GPR137B: variants seen among roughly 807,000 people sequenced by gnomAD.
GPR137B encodes the protein integral membrane protein GPR137B.
In GPR137B, 42 loss-of-function variants were observed where a neutral mutation model predicts 42.5. The observed-to-expected ratio is 0.99, with a 90% confidence interval of 0.77 to 1.28. The LOEUF is 1.28. GPR137B is among the 50% of genes most tolerant of loss of function. The pLI is 0.00. For synonymous variants in GPR137B, 218 were observed against 209.7 expected, an observed-to-expected ratio of 1.04 and a Z score of -0.34; for missense variants, 487 against 493.9, an observed-to-expected ratio of 0.99 and a Z score of 0.13.
chr1:236,190,232 C>T (rs1265536441), intron 5 of GPR137B, among the ~76,000 whole-genome samples: 3 of 146,650 alleles, frequency 2.0e-5, no homozygotes, highest in Admixed American at 6.9e-5. Context: ...TGTCTTTTCA[C>T]GTGAGATGGG....
intron 5 of GPR137B, among the ~76,000 whole-genome samples, chr1:236,188,025 C>T (rs949678255): frequency 1.3e-5 from 2 of 152,170 alleles, no homozygotes; most frequent in Non-Finnish European, 2.9e-5. Flanking sequence ...GTTTGTAGTT[C>T]TCCTTGGAGA....
chr1:236,198,571 C>A (rs975259588), intron 5 of GPR137B, among the ~76,000 whole-genome samples: 1 of 152,180 alleles, frequency 6.6e-6, no homozygotes, highest in African/African-American at 2.4e-5. Context: ...TGGTCACTTT[C>A]ATAATATTGA....
chr1:236,204,234 T>C (rs1253128943), intron 5 of GPR137B, among the ~76,000 whole-genome samples: 1 of 152,224 alleles, frequency 6.6e-6, no homozygotes, highest in Non-Finnish European at 1.5e-5. Context: ...TGTTGAGCCA[T>C]CCTTGTATCA....
chr1:236,146,258 C>T (rs1661679587), intron 1 of GPR137B, among the ~76,000 whole-genome samples: 1 of 152,184 alleles, frequency 6.6e-6, no homozygotes, highest in Non-Finnish European at 1.5e-5. Flanking sequence ...AGTATACATA[C>T]AGCACAGTTA....
chr1:236,154,697 A>G (rs896192479), intron 1 of GPR137B, among the ~76,000 whole-genome samples: 3 of 151,930 alleles, frequency 2.0e-5, no homozygotes, highest in Non-Finnish European at 4.4e-5. Flanking sequence ...CTCACTTCTG[A>G]AGCAGAAAGT....
chr1:236,182,363 G>T (rs16833417), intron 4 of GPR137B, among the ~76,000 whole-genome samples: 11,595 of 152,106 alleles, frequency 0.076, 1,316 homozygotes, highest in African/African-American at 0.25. Context: ...TTTTCTTCAA[G>T]TAAGAATGCA....
chr1:236,147,929 C>G lies in GPR137B; in HGVS notation c.414+4893C>G, dbSNP rs1259051958. Among the ~76,000 whole-genome samples the G allele has an allele frequency of 2.6e-5, 4 of 152,246 alleles. No individual in the cohort carries two copies. In the South Asian group the frequency reaches 6.2e-4, roughly 24 times the overall value. On this transcript the variant is annotated intron_variant, in intron 1 of 6. Coordinates refer to ENST00000366592, the MANE Select transcript of GPR137B (RefSeq NM_003272.4). The stretch of plus-strand genomic sequence containing the variant: ...GTTCTGCTAACTCTCTCCGGGCCGT[C>G]TGTATGCAGTGTCTGTCTGGCCCCA...
intron 5 of GPR137B, among the ~76,000 whole-genome samples, chr1:236,199,834 C>G (rs1276676944): frequency 1.3e-5 from 2 of 151,728 alleles, no homozygotes; most frequent in Admixed American, 6.6e-5. Flanking sequence ...TTTGTATTGC[C>G]TTTTTGTTTC....
At chr1:236,152,295 G>C (rs1036103815) in intron 1 of GPR137B, among the ~76,000 whole-genome samples, 1 of 151,734 alleles carries the variant, frequency 6.6e-6, no homozygotes, top group African/African-American at 2.4e-5. Flanking sequence ...GATCTCATCT[G>C]TACAAAAAAT....
intron 5 of GPR137B, among the ~76,000 whole-genome samples, chr1:236,199,738 A>G (rs1329848560): frequency 6.6e-6 from 1 of 151,514 alleles, no homozygotes; most frequent in East Asian, 1.9e-4. Context: ...GCTTATTTGG[A>G]TCTTCTGTCT....
intron 1 of GPR137B, among the ~76,000 whole-genome samples, chr1:236,161,771 G>A (rs997247838): frequency 6.6e-6 from 1 of 151,920 alleles, no homozygotes; most frequent in African/African-American, 2.4e-5. Flanking sequence ...TTCTCTTGCC[G>A]CCGCCATGTA....
intron 5 of GPR137B, among the ~76,000 whole-genome samples, chr1:236,189,016 C>G (rs971797072): frequency 6.6e-6 from 1 of 152,118 alleles, no homozygotes; most frequent in Non-Finnish European, 1.5e-5. Context: ...TTGGTCTATT[C>G]AGGGATTCTA....
chr1:236,159,391 C>A (rs1028070819), intron 1 of GPR137B, among the ~76,000 whole-genome samples: 4 of 151,920 alleles, frequency 2.6e-5, no homozygotes, highest in Non-Finnish European at 4.4e-5. Flanking sequence ...ATAGGCTTGG[C>A]GGGGTGGCTC....
chr1:236,179,178 C>T (rs1218776983), intron 3 of GPR137B, among the ~76,000 whole-genome samples: 1 of 152,038 alleles, frequency 6.6e-6, no homozygotes, highest in African/African-American at 2.4e-5. Flanking sequence ...ACTGAGCTCA[C>T]CCCTATGGCA....
chr1:236,175,654 C>T (rs1465670472), intron 2 of GPR137B, among the ~76,000 whole-genome samples: 5 of 152,112 alleles, frequency 3.3e-5, no homozygotes, highest in Non-Finnish European at 7.4e-5. Flanking sequence ...TGGCCCATAC[C>T]CCCCTCCCCT....
Position 236,156,769 on chromosome 1 carries a change from G to A in GPR137B, c.415-11937G>A, listed in dbSNP as rs1345900817. Reference sequence around the variant, plus strand: ...AGCTGACTAATGACTGTTGCCTGGGGAGACCAGGGCCCTGGGGTTTGCATA... The same window carrying A: ...AGCTGACTAATGACTGTTGCCTGGGAAGACCAGGGCCCTGGGGTTTGCATA... On this transcript the variant is annotated intron_variant, in intron 1 of 6. Coordinates refer to ENST00000366592, the MANE Select transcript of GPR137B (RefSeq NM_003272.4). The surrounding 1 kb of genome is among the most constrained non-coding windows in gnomAD (Gnocchi z 4.8). Among the ~76,000 whole-genome samples the A allele has an allele frequency of 6.6e-6, 1 of 152,180 alleles. No individual in the cohort carries two copies. The highest frequency in any genetic ancestry group is 2.4e-5 in the African/African-American group (1 of 41,434).
In GPR137B at chr1:236,148,981, C is replaced by T. The variant is rs188103748; in HGVS notation, c.414+5945C>T. ...AAACTGTAATACTCATCCCATGGGT[C>T]GGAGTGGGTTAAAGGAGATGCCGTG... On this transcript the variant is annotated intron_variant, in intron 1 of 6. Coordinates refer to ENST00000366592, the MANE Select transcript of GPR137B (RefSeq NM_003272.4). 6.2e-3 allele frequency among the ~76,000 whole-genome samples: 945 copies of T among 152,200 alleles called. 4 individuals are homozygous for T. The highest frequency in any genetic ancestry group is 0.01 in the Non-Finnish European group (690 of 68,006).
At chr1:236,186,195 TTTTA>T (rs201136234) in intron 5 of GPR137B, among the ~76,000 whole-genome samples, 1,073 of 106,788 alleles carry the variant, frequency 0.01, 60 homozygotes, top group African/African-American at 0.039. Flanking sequence ...CATCATTTTT[TTTTA>T]TTATTATACT....
chr1:236,162,871 A>G (rs1040012137), intron 1 of GPR137B, among the ~76,000 whole-genome samples: 3 of 152,216 alleles, frequency 2.0e-5, no homozygotes, highest in East Asian at 1.9e-4. Flanking sequence ...CAGAAGGGAA[A>G]TGTGGGGTCG....
Sources: allele counts gnomAD v4.1 joint callset (sites outside exome capture counted in the v4.1 genomes callset), GRCh38; gene constraint gnomAD v4.1.1; non-coding constraint Gnocchi (gnomAD v3.1); transcripts MANE v1.5; gene names NCBI Gene and HGNC (gene_info 2026-07-23, HGNC 2026-07-21).